Variants in NRXN1 observed in about 807,000 individuals in gnomAD.
NRXN1 encodes the protein neurexin 1, also known as neurexin-1.
A neutral mutation model predicts 150.9 loss-of-function variants in NRXN1; 39 were observed. That is an observed-to-expected ratio of 0.26 (90% CI 0.20 to 0.34). The LOEUF (loss-of-function observed/expected upper bound fraction) is 0.34, where lower values mean the gene tolerates loss of function less well. Ranked by LOEUF, NRXN1 falls within the 10% of genes least tolerant of loss-of-function variation. The pLI is 1.00. For missense variants in NRXN1, 1,815 were observed against 1,949.9 expected (o/e 0.93, Z 1.30); for synonymous variants, 924 against 757.0 (o/e 1.22, Z -3.62).
Position 50,053,336 on chromosome 2 carries a change from T to C in NRXN1, c.4063A>G (p.Thr1355Ala). ...SEMSTSIMETTTTLATSTARR... is the reference protein window; with the variant it reads ...SEMSTSIMETATTLATSTARR... ...GCTGTGCTAGTAGCCAGGGTCGTGG[T>C]AGTCTCCATAATTGATGTGGACATC... Residue 1355 changes from threonine (T) to alanine (A), a missense_variant, in exon 21 of 23, where the codon ACC becomes GCC. Coordinates refer to ENST00000401669, the MANE Select transcript of NRXN1 (RefSeq NM_001330078.2). 6.2e-7 allele frequency: 1 copy of C among 1,614,040 alleles called. No individual in the cohort carries two copies. The highest frequency in any genetic ancestry group is 8.5e-7 in the Non-Finnish European group (1 of 1,179,928).
chr2:50,792,878 TATCCAAAGTAA>T (rs1399270442), intron 5 of NRXN1, among the ~76,000 whole-genome samples: 1 of 152,084 alleles, frequency 6.6e-6, no homozygotes, highest in African/African-American at 2.4e-5. Flanking sequence ...TTAAGTGACT[TATCCAAAGTAA>T]CATAAGCTGT....
At chr2:50,137,199 T>A (rs559904161) in intron 18 of NRXN1, among the ~76,000 whole-genome samples, 1 of 152,122 alleles carries the variant, frequency 6.6e-6, no homozygotes, top group East Asian at 1.9e-4. Flanking sequence ...CATAAACATA[T>A]AATATATAAA....
chr2:49,928,429 A>C (rs1669503469), intron 22 of NRXN1, among the ~76,000 whole-genome samples: 1 of 152,168 alleles, frequency 6.6e-6, no homozygotes. Flanking sequence ...ATTAGACCAG[A>C]GTTCTATACT....
At chr2:51,013,454 G>GT (rs34968933) in intron 2 of NRXN1, among the ~76,000 whole-genome samples, 2,930 of 142,314 alleles carry the variant, frequency 0.021, 35 homozygotes, top group East Asian at 0.092. Context: ...AAATAGAGTT[G>GT]TTTTTTTTTT....
intron 12 of NRXN1, among the ~76,000 whole-genome samples, chr2:50,522,719 C>CCT (rs1323306682): frequency 0.035 from 3,055 of 86,502 alleles, 1,077 homozygotes; most frequent in African/African-American, 0.16. Flanking sequence ...TATTTTTATT[C>CCT]ATTTTTTTTT....
chr2:50,345,556 C>T (rs1203421295), intron 17 of NRXN1, among the ~76,000 whole-genome samples: 1 of 151,988 alleles, frequency 6.6e-6, no homozygotes, highest in Admixed American at 6.6e-5. Context: ...CATTTTACAC[C>T]GGGGTAGAAT....
chr2:50,771,617 C>T (rs1467952057), intron 5 of NRXN1, among the ~76,000 whole-genome samples: 1 of 152,002 alleles, frequency 6.6e-6, no homozygotes, highest in Admixed American at 6.6e-5. Context: ...AGAATAGATA[C>T]AAAGATACAT....
intron 21 of NRXN1, among the ~76,000 whole-genome samples, chr2:49,994,610 T>C (rs1445183937): frequency 2.0e-5 from 3 of 152,132 alleles, no homozygotes; most frequent in Admixed American, 6.6e-5. Context: ...TATAAGGACC[T>C]CAAGCCATGT....
intron 17 of NRXN1, among the ~76,000 whole-genome samples, chr2:50,403,634 G>A (rs1280336294): frequency 1.3e-5 from 2 of 151,984 alleles, no homozygotes; most frequent in Non-Finnish European, 2.9e-5. Flanking sequence ...CAAAAGAGAC[G>A]ATAATAAGAT....
At chr2:50,667,846 G>C (rs957939256) in intron 5 of NRXN1, among the ~76,000 whole-genome samples, 3 of 151,984 alleles carry the variant, frequency 2.0e-5, no homozygotes, top group African/African-American at 7.2e-5. Context: ...GCCATAGTCT[G>C]AAGTTGGTTA....
At position 50,495,985 on chromosome 2, in the gene NRXN1, G is replaced by C. The variant is rs1357333787; in HGVS notation, c.2990C>G (p.Thr997Ser). 2 of 1,613,342 alleles carry C rather than the reference G, an allele frequency of 1.2e-6. No homozygotes were observed. Among genetic ancestry groups the C allele is most frequent in the Non-Finnish European group, 1.7e-6 (2 of 1,179,650 alleles). The change falls in exon 15 of 23, where the codon ACC becomes AGC. Residue 997 changes from threonine (T) to serine (S), a missense_variant. Transcript: ENST00000401669. ...AATCTTTACAGTGTGGAGGTTGCTG[G>C]TGTCCCTTGATATCATCACGTTGTG... ...QWHNVMISRD[T>S]SNLHTVKIDT...
intron 21 of NRXN1, among the ~76,000 whole-genome samples, chr2:50,046,433 C>A (rs1437434757): frequency 6.6e-6 from 1 of 152,136 alleles, no homozygotes; most frequent in Admixed American, 6.5e-5. Flanking sequence ...GAGAAAATAG[C>A]TTTAAAGGTA....
chr2:50,371,708 C>A (rs1041905201), intron 17 of NRXN1, among the ~76,000 whole-genome samples: 2 of 152,010 alleles, frequency 1.3e-5, no homozygotes, highest in South Asian at 2.1e-4. Flanking sequence ...AAAGTGGATC[C>A]ACAATTTTAT....
chr2:49,935,732 T>TA (rs1245916044), intron 22 of NRXN1, among the ~76,000 whole-genome samples: 1 of 152,192 alleles, frequency 6.6e-6, no homozygotes, highest in Non-Finnish European at 1.5e-5. Context: ...TGAGCAAATG[T>TA]AATTAATGAG....
At chr2:50,533,776 T>C (rs1000970005) in intron 10 of NRXN1, among the ~76,000 whole-genome samples, 3 of 152,186 alleles carry the variant, frequency 2.0e-5, no homozygotes, top group Non-Finnish European at 2.9e-5. Context: ...ACTGAAGTGT[T>C]TGCACTTTTA....
intron 17 of NRXN1, among the ~76,000 whole-genome samples, chr2:50,414,460 A>G (rs76008411): frequency 0.034 from 5,120 of 152,154 alleles, 290 homozygotes; most frequent in African/African-American, 0.11. Context: ...TATACACACA[A>G]AAATTTGTAT....
chr2:50,862,645 A>C (rs1480064430), intron 5 of NRXN1, among the ~76,000 whole-genome samples: 5 of 152,106 alleles, frequency 3.3e-5, no homozygotes, highest in African/African-American at 1.2e-4. Context: ...TAAAAAAGAT[A>C]AATGATCACA....
chr2:50,398,840 T>G (rs910642663), intron 17 of NRXN1, among the ~76,000 whole-genome samples: 3 of 152,158 alleles, frequency 2.0e-5, no homozygotes, highest in African/African-American at 7.2e-5. Flanking sequence ...GGTATGCTAT[T>G]TAATTATCAG....
At chr2:50,983,566 G>A (rs914285896) in intron 2 of NRXN1, among the ~76,000 whole-genome samples, 1 of 152,030 alleles carries the variant, frequency 6.6e-6, no homozygotes, top group Non-Finnish European at 1.5e-5. Flanking sequence ...TTAACAAATT[G>A]TCAGTAACTA....
Sources: allele counts gnomAD v4.1 joint callset (sites outside exome capture counted in the v4.1 genomes callset), GRCh38; gene constraint gnomAD v4.1.1; transcripts MANE v1.5; gene names NCBI Gene and HGNC (gene_info 2026-07-23, HGNC 2026-07-21).